Variants in RDX observed in about 807,000 individuals in gnomAD.
RDX encodes the protein radixin.
A neutral mutation model predicts 83.7 loss-of-function variants in RDX; 32 were observed. The ratio of observed to expected loss-of-function variants is 0.38; its 90% CI spans 0.29 to 0.51. The LOEUF (loss-of-function observed/expected upper bound fraction) is 0.51. RDX is among the 20% of genes least tolerant of loss of function. The probability of loss-of-function intolerance (pLI) is 0.87; values close to 1 mark genes in which losing one functional copy is unlikely to be tolerated. For missense variants in RDX, 600 were observed against 689.9 expected, an observed-to-expected ratio of 0.87 and a Z score of 1.46; for synonymous variants, 229 against 222.7, an observed-to-expected ratio of 1.03 and a Z score of -0.25.
chr11:110,197,983 C>A (rs1017851921), intron 15 of RDX, among the ~76,000 whole-genome samples: 10 of 152,162 alleles, frequency 6.6e-5, no homozygotes, highest in African/African-American at 1.9e-4. Flanking sequence ...ACCTTAAACT[C>A]ATTTCAGGGC....
At chr11:110,271,138 T>C (rs891860985) in intron 3 of RDX, among the ~76,000 whole-genome samples, 2 of 152,176 alleles carry the variant, frequency 1.3e-5, no homozygotes, top group African/African-American at 4.8e-5. Flanking sequence ...AAAAAGGCCT[T>C]ATCAGGACTT....
rs73557605 is a variant in RDX, at chr11:110,284,212, C to T, written c.-64-4456G>A. Among the ~76,000 whole-genome samples, 297 of 152,320 alleles carry T rather than the reference C, an allele frequency of 1.9e-3. 1 individual carries two copies. The highest frequency in any genetic ancestry group is 6.9e-3 in the African/African-American group (286 of 41,564). Reference sequence around the variant, plus strand: ...AGAATACATAACAAAAGCTACACAGCTTTTTTGAATGTGAAATTCTGCTTT... The same window carrying T: ...AGAATACATAACAAAAGCTACACAGTTTTTTTGAATGTGAAATTCTGCTTT... On this transcript the variant is annotated intron_variant, in intron 1 of 13. Coordinates refer to ENST00000645495, the MANE Select transcript of RDX (RefSeq NM_002906.4).
chr11:110,278,122 G>A (rs903126905), intron 2 of RDX, among the ~76,000 whole-genome samples: 1 of 152,038 alleles, frequency 6.6e-6, no homozygotes, highest in African/African-American at 2.4e-5. Flanking sequence ...ATGTGTGTTG[G>A]TGTATTTTCA....
At chr11:110,227,813 T>C (rs1864481706), downstream of RDX, among the ~76,000 whole-genome samples, 1 of 152,062 alleles carries the variant, frequency 6.6e-6, no homozygotes, top group Non-Finnish European at 1.5e-5. Context: ...AGCCAAAACA[T>C]AAACCTGAAT....
intron 14 of RDX, among the ~76,000 whole-genome samples, chr11:110,220,618 C>T (rs1302467336): frequency 1.3e-5 from 2 of 152,182 alleles, no homozygotes; most frequent in Admixed American, 1.3e-4. Flanking sequence ...CCTGCCTCAG[C>T]CTCCTGAGTA....
intron 1 of RDX, among the ~76,000 whole-genome samples, chr11:110,290,925 C>G (rs1861216215): frequency 6.6e-6 from 1 of 152,186 alleles, no homozygotes; most frequent in Non-Finnish European, 1.5e-5. Context: ...CATAATTTAA[C>G]TGAAGTTGGT....
chr11:110,292,183 C>G (rs968311583), intron 1 of RDX, among the ~76,000 whole-genome samples: 3 of 151,852 alleles, frequency 2.0e-5, no homozygotes, highest in African/African-American at 7.3e-5. Context: ...ATCCCAGCTA[C>G]TAGGGAAGCT....
chr11:110,216,911 C>T (rs778464928), intron 14 of RDX, among the ~76,000 whole-genome samples: 35 of 152,210 alleles, frequency 2.3e-4, no homozygotes, highest in African/African-American at 3.4e-4. Context: ...AAGCCATTTT[C>T]TAGCTTATCT....
At chr11:110,287,800 T>C (rs1249243952) in intron 1 of RDX, among the ~76,000 whole-genome samples, 1 of 152,162 alleles carries the variant, frequency 6.6e-6, no homozygotes, top group Non-Finnish European at 1.5e-5. Context: ...CTCATTCTTC[T>C]AAAAAAGAAA....
At chr11:110,223,892 G>C (rs1393384343) in intron 14 of RDX, among the ~76,000 whole-genome samples, 1 of 152,060 alleles carries the variant, frequency 6.6e-6, no homozygotes, top group Non-Finnish European at 1.5e-5. Flanking sequence ...ATGGAGAATG[G>C]AGAAACCCCA....
chr11:110,272,784 T>C, intron 2 of RDX, 165 bp from the exon 3 acceptor site: 1 of 613,198 alleles, frequency 1.6e-6, no homozygotes, highest in Non-Finnish European at 2.9e-6. Flanking sequence ...TAGGAACATC[T>C]ATTGAATACT....
intron 3 of RDX, 50 bp from the exon 4 acceptor site, chr11:110,264,924 TTG>T (rs759089985): frequency 9.0e-6 from 12 of 1,333,020 alleles, no homozygotes; most frequent in Non-Finnish European, 1.3e-5. Flanking sequence ...AACATACACA[TTG>T]TGTCTAGATG....
At chr11:110,221,970 T>C (rs1293839453) in intron 14 of RDX, among the ~76,000 whole-genome samples, 3 of 151,990 alleles carry the variant, frequency 2.0e-5, no homozygotes, top group Non-Finnish European at 4.4e-5. Flanking sequence ...AAACAGCAAT[T>C]GCTCTGAAAA....
In RDX at chr11:110,231,282, C is replaced by CATTAT. The variant is rs941675396; in HGVS notation, c.*582_*586dup. On this transcript the variant is annotated 3_prime_UTR_variant, in exon 14 of 14. Coordinates refer to ENST00000645495, the MANE Select transcript of RDX (RefSeq NM_002906.4). ...AAAAACTAAGCACCAGCTGTACATA[C>CATTAT]ATTATTAAATGTTCTAATCTCTTTC... 1 of 154,930 alleles carries CATTAT rather than the reference C, an allele frequency of 6.5e-6. No homozygotes were observed. Among genetic ancestry groups the CATTAT allele is most frequent in the African/African-American group, 2.4e-5 (1 of 41,432 alleles). The allele number at this position is 154,930 out of a possible 1,614,324, so 9.6% of individuals were successfully genotyped here.
rs1491576666 is a variant in RDX at position 110,189,243 on chromosome 11, T to TTAAAAAAAAAAAA, written c.*31+10337_*31+10338insTTTTTTTTTTTTA. On this transcript the variant is annotated intron_variant, in intron 15 of 15. Transcript: ENST00000528498. ...AAACAAACTTTAAATGAACAACAGG[T>TTAAAAAAAAAAAA]AAAAAAAAAAAAAAAAAAAAAAAAA... Among the ~76,000 whole-genome samples the TTAAAAAAAAAAAA allele has an allele frequency of 1.5e-3, 52 of 35,594 alleles. 1 individual carries two copies. The highest frequency in any genetic ancestry group is 2.0e-3 in the Non-Finnish European group (31 of 15,754). The allele number at this position is 35,594 out of a possible 152,430, so 23.4% of individuals were successfully genotyped here. A position where few individuals can be genotyped will look rare whatever the true frequency, so the allele number is the denominator to read the frequency against.
chr11:110,252,070 T>C (rs1246096268), intron 9 of RDX, among the ~76,000 whole-genome samples: 1 of 152,176 alleles, frequency 6.6e-6, no homozygotes, highest in African/African-American at 2.4e-5. Context: ...AGGGAATAAA[T>C]GACTCAGCAT....
downstream of RDX, among the ~76,000 whole-genome samples, chr11:110,226,133 G>A (rs547472393): frequency 9.9e-5 from 15 of 151,286 alleles, no homozygotes; most frequent in Non-Finnish European, 1.8e-4. Flanking sequence ...TTCTGGGTAT[G>A]TACCCCAAAG....
intron 15 of RDX, among the ~76,000 whole-genome samples, chr11:110,175,577 T>G (rs1201768684): frequency 1.3e-5 from 2 of 152,142 alleles, no homozygotes; most frequent in Non-Finnish European, 2.9e-5. Context: ...TCTGGGTGGG[T>G]GGGTGTCAGT....
rs549334413 is a variant in RDX, at chr11:110,188,636, C to A, written c.*31+10945G>T. 5.3e-5 allele frequency among the ~76,000 whole-genome samples: 8 copies of A among 152,258 alleles called. 1 individual carries two copies. The South Asian group carries it at 1.7e-3, about 32-fold the overall frequency. On this transcript the variant is annotated intron_variant, in intron 15 of 15. Transcript: ENST00000528498. ...AACTTATTCGTGTAACCAAACACAA[C>A]TAACAGGCTAACAGGGAGCTTCTCA...
Sources: allele counts gnomAD v4.1 joint callset (sites outside exome capture counted in the v4.1 genomes callset), GRCh38; gene constraint gnomAD v4.1.1; transcripts MANE v1.5; gene names NCBI Gene and HGNC (gene_info 2026-07-23, HGNC 2026-07-21).